Variants in CD36 observed in about 807,000 individuals in gnomAD.
CD36 encodes platelet glycoprotein 4.
A neutral mutation model predicts 55.2 loss-of-function variants in CD36; 119 were observed. That is an observed-to-expected ratio of 2.15 (90% CI 1.86 to 2.51). The LOEUF (loss-of-function observed/expected upper bound fraction) is 2.51. Ranked by LOEUF, CD36 falls within the 30% of genes most tolerant of loss-of-function variation. The pLI, the probability that CD36 is intolerant of heterozygous loss-of-function variation, is 0.00. For synonymous variants in CD36, 186 were observed against 193.6 expected (o/e 0.96, Z 0.33); for missense variants, 819 against 555.5 (o/e 1.47, Z -4.77).
chr7:80,670,596 C>A, intron 9 of CD36: 1 of 262,738 alleles, frequency 3.8e-6, no homozygotes, highest in Non-Finnish European at 7.4e-6. Flanking sequence ...GGTATATATC[C>A]AGCATGTATA....
At chr7:80,644,662 G>C (rs1795026870) in intron 1 of CD36, among the ~76,000 whole-genome samples, 1 of 152,086 alleles carries the variant, frequency 6.6e-6, no homozygotes, top group Non-Finnish European at 1.5e-5. Flanking sequence ...AAAATCATAA[G>C]AGTGGTACCT....
At chr7:80,674,238 A>G (rs1798044808) in intron 14 of CD36, 91 bp downstream of exon 14, 1 of 899,066 alleles carries the variant, frequency 1.1e-6, no homozygotes, top group Non-Finnish European at 1.8e-6. Context: ...ATATTAGGCC[A>G]TATATATTTC....
At chr7:80,603,771 A>G (rs76062417) in intron 1 of CD36, among the ~76,000 whole-genome samples, 1 of 74,930 alleles carries the variant, frequency 1.3e-5, no homozygotes, top group African/African-American at 4.2e-5. Context: ...CAGTCAGGCA[A>G]AAAAAAAAAA....
chr7:80,633,455 C>T (rs2116145265), intron 1 of CD36: 1 of 152,108 alleles, frequency 6.6e-6, no homozygotes, highest in South Asian at 2.1e-4. Context: ...AACTAAGTTA[C>T]TCTGATATTC....
rs187521349 is a variant in CD36, at chr7:80,670,179, A to T, written c.818+157A>T. On this transcript the variant is annotated intron_variant, in intron 9 of 14. Coordinates refer to ENST00000447544, the MANE Select transcript of CD36 (RefSeq NM_001001548.3). ...CATCTTCCAATTTTTAATAGTACAA[A>T]TTTTTTTTTTTTTTGCCATTTCTAT... The T allele has an allele frequency of 5.6e-3, 3,006 of 538,038 alleles. 12 individuals are homozygous for T. Among genetic ancestry groups the T allele is most frequent in the African/African-American group, 0.018 (923 of 50,660 alleles). The allele number at this position is 538,038 out of a possible 1,614,324, so 33.3% of individuals were successfully genotyped here.
upstream of CD36, among the ~76,000 whole-genome samples, chr7:80,636,251 C>T (rs1297390216): frequency 6.6e-6 from 1 of 151,980 alleles, no homozygotes; most frequent in Non-Finnish European, 1.5e-5. Flanking sequence ...AGGCTCCTGT[C>T]AAGTATTGTA....
chr7:80,615,861 C>T (rs1793121340), intron 1 of CD36, among the ~76,000 whole-genome samples: 1 of 152,038 alleles, frequency 6.6e-6, no homozygotes, highest in South Asian at 2.1e-4. Context: ...TGATAGCTTT[C>T]TTTGTTTCAG....
intron 1 of CD36, among the ~76,000 whole-genome samples, chr7:80,641,332 C>T (rs1794796819): frequency 6.6e-6 from 1 of 151,906 alleles, no homozygotes; most frequent in Non-Finnish European, 1.5e-5. Flanking sequence ...GGAACTGTGT[C>T]TTTATAAACA....
At chr7:80,648,881 T>C (rs1795380770) in intron 3 of CD36, among the ~76,000 whole-genome samples, 1 of 152,084 alleles carries the variant, frequency 6.6e-6, no homozygotes, top group South Asian at 2.1e-4. Context: ...GTGAAAATGC[T>C]ACCAAATGCA....
intron 1 of CD36, among the ~76,000 whole-genome samples, chr7:80,642,694 A>G (rs919626747): frequency 1.7e-4 from 26 of 152,188 alleles, no homozygotes; most frequent in African/African-American, 6.0e-4. Context: ...GCCTATTCTT[A>G]GGAAAAAGGT....
rs1214116816 is a variant in CD36, at chr7:80,674,457, A to T, written c.*310A>T. On this transcript the variant is annotated intron_variant, in intron 14 of 14. Transcript: ENST00000447544. Reference sequence around the variant, plus strand: ...ATTTCTCAATTATATAGCTAGTTATATATTATCTGATACTTAAAAATAATT... The same window carrying T: ...ATTTCTCAATTATATAGCTAGTTATTTATTATCTGATACTTAAAAATAATT... The T allele has an allele frequency of 2.4e-5, 7 of 293,758 alleles. No individual in the cohort carries two copies. In the East Asian group the frequency reaches 6.1e-4, roughly 26 times the overall value. 18.2% of individuals were successfully genotyped at this position (293,758 alleles called of 1,614,324 possible). A position where few individuals can be genotyped will look rare whatever the true frequency, so the allele number is the denominator to read the frequency against.
Position 80,664,627 on chromosome 7 carries a change from A to C in CD36, c.701+130A>C, listed in dbSNP as rs754685894. The C allele has an allele frequency of 3.4e-5, 24 of 697,546 alleles. No individual in the cohort carries two copies. The Admixed American group carries it at 4.6e-4, about 13-fold the overall frequency. 43.2% of individuals were successfully genotyped at this position (697,546 alleles called of 1,614,324 possible). A position where few individuals can be genotyped will look rare whatever the true frequency, so the allele number is the denominator to read the frequency against. ...GACCTGGTTATAATTCAGCTCTGGA[A>C]ACTCCTGTTCTGCTAGGTATTAACT... is the stretch of plus-strand genomic sequence containing the variant. On this transcript the variant is annotated intron_variant, in intron 7 of 14. Transcript: ENST00000447544.
intron 1 of CD36, among the ~76,000 whole-genome samples, chr7:80,613,791 A>G (rs560196533): frequency 1.3e-5 from 2 of 152,246 alleles, no homozygotes; most frequent in African/African-American, 4.8e-5. Context: ...AACTGAGTTG[A>G]TTCCTTGTTA....
At chr7:80,626,578 A>T (rs1189492437) in intron 1 of CD36, among the ~76,000 whole-genome samples, 1 of 152,106 alleles carries the variant, frequency 6.6e-6, no homozygotes, top group Non-Finnish European at 1.5e-5. Context: ...AGATAAATTT[A>T]TGTATGTATA....
chr7:80,649,722 TAAAAC>T (rs1290840339), intron 3 of CD36, among the ~76,000 whole-genome samples: 2 of 151,938 alleles, frequency 1.3e-5, no homozygotes, highest in African/African-American at 4.8e-5. Context: ...AGATTAAAAA[TAAAAC>T]TAAACAGTAG....
intron 1 of CD36, among the ~76,000 whole-genome samples, chr7:80,615,306 T>C (rs1793085678): frequency 6.6e-6 from 1 of 152,214 alleles, no homozygotes; most frequent in Non-Finnish European, 1.5e-5. Context: ...TTAATTGTTC[T>C]ATTCTGCTTA....
intron 4 of CD36, among the ~76,000 whole-genome samples, chr7:80,657,116 G>C (rs1396597250): frequency 6.6e-6 from 1 of 152,078 alleles, no homozygotes. Context: ...TTTAACAGTG[G>C]TTCTCAAAGT....
chr7:80,665,239 TTATAATTTATCA>T (rs929187441), intron 7 of CD36, among the ~76,000 whole-genome samples: 2 of 152,002 alleles, frequency 1.3e-5, no homozygotes, highest in Non-Finnish European at 2.9e-5. Flanking sequence ...CCTAAAGAAT[TTATAATTTATCA>T]TATATGTAAA....
intron 1 of CD36, among the ~76,000 whole-genome samples, chr7:80,608,429 T>G (rs1368632375): frequency 6.6e-6 from 1 of 152,160 alleles, no homozygotes; most frequent in Non-Finnish European, 1.5e-5. Context: ...TACCTCTGCT[T>G]CCCTATCTGT....
Sources: allele counts gnomAD v4.1 joint callset (sites outside exome capture counted in the v4.1 genomes callset), GRCh38; gene constraint gnomAD v4.1.1; transcripts MANE v1.5; gene names NCBI Gene and HGNC (gene_info 2026-07-23, HGNC 2026-07-21).